Variants in MAN2B2 observed in about 807,000 individuals in gnomAD.
MAN2B2 encodes the protein epididymis-specific alpha-mannosidase.
A neutral mutation model predicts 117.1 loss-of-function variants in MAN2B2; 106 were observed. That is an observed-to-expected ratio of 0.90 (90% CI 0.77 to 1.06). The LOEUF is 1.06. Among genes scored for constraint, MAN2B2 ranks in the 50% least tolerant of loss-of-function variants. The pLI is 0.00. For missense variants in MAN2B2, 1,326 were observed against 1,381.4 expected, an observed-to-expected ratio of 0.96 and a Z score of 0.64; for synonymous variants, 544 against 595.1, an observed-to-expected ratio of 0.91 and a Z score of 1.25.
chr4:6,576,585 T>C lies in MAN2B2; in HGVS notation c.146T>C (p.Met49Thr). ...ATGCTGTCCCCTCCCCAGGAAAGCA[T>C]GCGGGCGTACGCCGCCAATGTCTAC... ...VGWVYTVQES[M>T]RAYAANVYTS... The change falls in exon 2 of 19, where the codon ATG (methionine) becomes ACG (threonine). Residue 49 changes from methionine to threonine, a missense_variant. By Grantham distance (81) the Met-to-Thr change is moderately conservative. Coordinates refer to ENST00000285599, the MANE Select transcript of MAN2B2 (RefSeq NM_015274.3). The C allele has an allele frequency of 1.9e-6, 3 of 1,608,506 alleles. No individual in the cohort carries two copies. The highest frequency in any genetic ancestry group is 1.3e-5 in the African/African-American group (1 of 74,854).
intron 9 of MAN2B2, among the ~76,000 whole-genome samples, chr4:6,599,414 G>A (rs1470582942): frequency 2.0e-5 from 3 of 152,068 alleles, no homozygotes; most frequent in African/African-American, 4.8e-5. Flanking sequence ...TGTAATCCCA[G>A]CACTTTGGGA....
chr4:6,578,028 A>G (rs1211549165), intron 2 of MAN2B2, among the ~76,000 whole-genome samples: 1 of 152,238 alleles, frequency 6.6e-6, no homozygotes, highest in Non-Finnish European at 1.5e-5. Flanking sequence ...TTATGTGTGT[A>G]GAGACGGGGA....
In MAN2B2 at chr4:6,605,341, C is replaced by G; in HGVS notation, c.1814+12C>G. The G allele has an allele frequency of 6.3e-7, 1 of 1,596,606 alleles. No homozygotes were observed. The highest frequency in any genetic ancestry group is 2.2e-5 in the East Asian group (1 of 44,466). ...AGCATCTGGGAGAGGTAAGGTGCAGCCATTGCTGTCTCTGAGGCACAGGCA... is the reference window on the plus strand; with the variant it reads ...AGCATCTGGGAGAGGTAAGGTGCAGGCATTGCTGTCTCTGAGGCACAGGCA... On this transcript the variant is annotated intron_variant, in intron 11 of 18. Transcript: ENST00000285599.
intron 17 of MAN2B2, chr4:6,619,588 C>G (rs1712060429): frequency 4.0e-6 from 1 of 249,238 alleles, no homozygotes. Context: ...CCTCCCTGGA[C>G]TGGGCACGGG....
rs199860471 is a variant in MAN2B2, at chr4:6,614,228, G to A, written c.2574G>A (p.Pro858=). 72 of 1,614,062 alleles carry A rather than the reference G, an allele frequency of 4.5e-5. No individual in the cohort carries two copies. In the East Asian group the frequency reaches 1.3e-3, roughly 29 times the overall value. ...VLFGDLAGTA[P]KLPGPQQQEA... is the part of the protein sequence containing the mutation. ...CCATCTGCCTTGCAGGGACTGCGCC[G>A]AAGCTCCCAGGACCCCAGCAGCAAG... The change falls in exon 16 of 19, where the codon CCG becomes CCA. Residue 858 remains proline (P), a synonymous_variant. Transcript: ENST00000285599.
intron 2 of MAN2B2, 97 bp from the exon 3 acceptor site, chr4:6,578,296 T>C: frequency 1.2e-6 from 1 of 853,092 alleles, no homozygotes; most frequent in South Asian, 1.5e-5. Context: ...GGGAGTTTTA[T>C]GCAGGGCGTG....
chr4:6,576,439 T>C (rs1726062226), intron 1 of MAN2B2, 139 bp from the exon 2 acceptor site: 2 of 980,354 alleles, frequency 2.0e-6, no homozygotes, highest in South Asian at 1.5e-5. Flanking sequence ...GAGTGCCTAA[T>C]AGCTGTGTGG....
chr4:6,619,046 C>T (rs1228284910), intron 17 of MAN2B2: 4 of 152,236 alleles, frequency 2.6e-5, no homozygotes, highest in African/African-American at 9.7e-5. Context: ...GCACCAAGGC[C>T]CTGAGACAAG....
intron 8 of MAN2B2, 127 bp downstream of exon 8, chr4:6,597,430 A>T: frequency 9.3e-7 from 1 of 1,073,536 alleles, no homozygotes; most frequent in Non-Finnish European, 1.3e-6. Context: ...GGGGAAACTG[A>T]GGTTCCCTTT....
At chr4:6,582,939 C>T (rs956964396) in intron 3 of MAN2B2, among the ~76,000 whole-genome samples, 18 of 152,128 alleles carry the variant, frequency 1.2e-4, no homozygotes, top group African/African-American at 3.4e-4. Flanking sequence ...TGAACAGAGA[C>T]CAAGTGACTC....
Position 6,623,093 on chromosome 4 carries a change from T to G in MAN2B2, c.*1808T>G, listed in dbSNP as rs1231048160. 6.6e-6 allele frequency: 1 copy of G among 151,822 alleles called. No individual in the cohort carries two copies. The highest frequency in any genetic ancestry group is 2.4e-5 in the African/African-American group (1 of 40,984). 9.4% of individuals were successfully genotyped at this position (151,822 alleles called of 1,614,324 possible). The stretch of plus-strand genomic sequence containing the variant: ...ACTATGGAGGCTGGGCAGTGGTTCA[T>G]GCCTTAATCCCAGCACTTTGGGAGG... On this transcript the variant is annotated 3_prime_UTR_variant, in exon 19 of 19. Coordinates refer to ENST00000285599, the MANE Select transcript of MAN2B2 (RefSeq NM_015274.3).
At position 6,620,027 on chromosome 4, in the gene MAN2B2, G is replaced by A. The variant is rs1163703424; in HGVS notation, c.2915G>A (p.Gly972Glu). The change falls in exon 18 of 19, where the codon GGG becomes GAG. Residue 972 changes from glycine to glutamate, a missense_variant. Coordinates refer to ENST00000285599, the MANE Select transcript of MAN2B2 (RefSeq NM_015274.3). ...CTGCACCGCTGGAGCTGGAGGACGG[G>A]GCCTGGCCGCCACAGAGGTTTGGGG... ...SMLHRWSWRTGPGRHRGDTTS... is the reference protein window; with the variant it reads ...SMLHRWSWRTEPGRHRGDTTS... The A allele has an allele frequency of 4.3e-6, 7 of 1,612,370 alleles. No individual in the cohort carries two copies. The highest frequency in any genetic ancestry group is 2.7e-5 in the African/African-American group (2 of 74,996).
At chr4:6,596,197 GGGCGTGGTA>G (rs1295295080) in intron 7 of MAN2B2, among the ~76,000 whole-genome samples, 5 of 152,012 alleles carry the variant, frequency 3.3e-5, no homozygotes, top group African/African-American at 1.2e-4. Context: ...GCGTCCAGGT[GGGCGTGGTA>G]TCCAGGCGGG....
chr4:6,592,961 C>A (rs1726912033), intron 5 of MAN2B2, among the ~76,000 whole-genome samples: 1 of 152,218 alleles, frequency 6.6e-6, no homozygotes, highest in African/African-American at 2.4e-5. Flanking sequence ...TCTTTGGGGT[C>A]CTGAGACCCG....
intron 3 of MAN2B2, among the ~76,000 whole-genome samples, chr4:6,584,222 G>A (rs1365401228): frequency 2.0e-5 from 3 of 152,170 alleles, no homozygotes; most frequent in African/African-American, 7.2e-5. Flanking sequence ...GTAACAAAGC[G>A]ACTTGAGTCT....
intron 3 of MAN2B2, among the ~76,000 whole-genome samples, chr4:6,579,342 A>G (rs1233206642): frequency 8.8e-6 from 1 of 113,114 alleles, no homozygotes; most frequent in Non-Finnish European, 1.8e-5. Flanking sequence ...CACCACCACC[A>G]TCACCATCAC....
intron 10 of MAN2B2, among the ~76,000 whole-genome samples, chr4:6,602,062 G>C (rs1034952705): frequency 6.6e-6 from 1 of 152,188 alleles, no homozygotes; most frequent in Non-Finnish European, 1.5e-5. Context: ...TCATGCACTC[G>C]GAGGCCTGCT....
intron 10 of MAN2B2, among the ~76,000 whole-genome samples, chr4:6,603,177 C>G (rs1196586924): frequency 6.6e-6 from 1 of 152,194 alleles, no homozygotes; most frequent in African/African-American, 2.4e-5. Context: ...TGGGGCTGGA[C>G]TGCTTTTGTC....
chr4:6,591,572 C>T (rs1214814551), intron 5 of MAN2B2, among the ~76,000 whole-genome samples: 1 of 152,186 alleles, frequency 6.6e-6, no homozygotes, highest in Non-Finnish European at 1.5e-5. Flanking sequence ...TGGGGTGCAG[C>T]TGGTCTGACT....
Sources: gnomAD v4.1 joint callset for allele counts (sites outside exome capture counted in the v4.1 genomes callset) on GRCh38, gnomAD v4.1.1 for gene constraint, MANE v1.5 for transcripts, NCBI Gene and HGNC (gene_info 2026-07-23, HGNC 2026-07-21) for gene names.